RNF150: variants seen among roughly 807,000 people sequenced by gnomAD.
RNF150 encodes ring finger protein 150.
Under a neutral mutation model 39.3 loss-of-function variants are expected in RNF150, and 24 were observed. The observed-to-expected ratio is 0.61, with a 90% confidence interval of 0.44 to 0.86. The LOEUF (loss-of-function observed/expected upper bound fraction) is 0.86, where lower values mean the gene tolerates loss of function less well. Among genes scored for constraint, RNF150 ranks in the 40% least tolerant of loss-of-function variants. RNF150 has a pLI of 0.00. For synonymous variants in RNF150, 255 were observed against 227.3 expected, an observed-to-expected ratio of 1.12 and a Z score of -1.10; for missense variants, 502 against 587.8, an observed-to-expected ratio of 0.85 and a Z score of 1.51.
At chr4:141,098,473 G>A (rs1167517941) in intron 1 of RNF150, among the ~76,000 whole-genome samples, 1 of 152,196 alleles carries the variant, frequency 6.6e-6, no homozygotes, top group South Asian at 2.1e-4. Flanking sequence ...GCCTCATACT[G>A]GGAGTCAAGA....
intron 1 of RNF150, among the ~76,000 whole-genome samples, chr4:141,058,636 T>A (rs1420597718): frequency 6.6e-6 from 1 of 152,176 alleles, no homozygotes; most frequent in African/African-American, 2.4e-5. Flanking sequence ...ATTATTATAC[T>A]GTCCTACCCC....
intron 1 of RNF150, among the ~76,000 whole-genome samples, chr4:140,999,662 C>T (rs915971466): frequency 3.9e-5 from 6 of 152,104 alleles, no homozygotes; most frequent in South Asian, 2.1e-4. Flanking sequence ...AGGCCACGTG[C>T]GGCGGCTCAC....
At chr4:141,065,638 G>C (rs1221421739) in intron 1 of RNF150, among the ~76,000 whole-genome samples, 1 of 151,932 alleles carries the variant, frequency 6.6e-6, no homozygotes, top group Non-Finnish European at 1.5e-5. Flanking sequence ...ATATGTGCTA[G>C]GAAGAAATTC....
At chr4:140,891,120 T>C (rs1729739436) in intron 6 of RNF150, among the ~76,000 whole-genome samples, 1 of 152,226 alleles carries the variant, frequency 6.6e-6, no homozygotes. Context: ...GGAATAGCAC[T>C]GGTAGAAAAT....
intron 1 of RNF150, among the ~76,000 whole-genome samples, chr4:140,994,804 A>G (rs1734311291): frequency 1.3e-5 from 2 of 152,172 alleles, no homozygotes; most frequent in South Asian, 4.1e-4. Context: ...TCTGGATAGA[A>G]GTTTATGTTC....
At chr4:141,115,986 T>C (rs1396536048) in intron 1 of RNF150, among the ~76,000 whole-genome samples, 1 of 152,148 alleles carries the variant, frequency 6.6e-6, no homozygotes. Flanking sequence ...TATACAAAAA[T>C]TAACTCAAGA....
chr4:140,988,525 C>T (rs941417283), intron 1 of RNF150, among the ~76,000 whole-genome samples: 5 of 151,992 alleles, frequency 3.3e-5, no homozygotes, highest in Admixed American at 2.6e-4. Flanking sequence ...TTCTAGGGTA[C>T]ATGTGCACAA....
At chr4:141,155,296 C>CTA (rs1727368959) in intron 1 of RNF150, among the ~76,000 whole-genome samples, 1 of 127,854 alleles carries the variant, frequency 7.8e-6, no homozygotes, top group South Asian at 2.7e-4. Context: ...GCAGGTTTCA[C>CTA]TATGTTGGCC....
At chr4:140,969,756 C>CTTTTTTTT (rs70946718) in intron 1 of RNF150, among the ~76,000 whole-genome samples, 11 of 75,962 alleles carry the variant, frequency 1.4e-4, no homozygotes, top group Admixed American at 4.1e-4. Flanking sequence ...ACAAGTTTTA[C>CTTTTTTTT]TTTTTTTTTT....
intron 6 of RNF150, among the ~76,000 whole-genome samples, chr4:140,869,616 A>G (rs913467339): frequency 6.6e-6 from 1 of 152,240 alleles, no homozygotes; most frequent in Non-Finnish European, 1.5e-5. Context: ...GATAAGCACC[A>G]GGATGGAAGA....
chr4:141,030,804 G>A (rs1173087561), intron 1 of RNF150, among the ~76,000 whole-genome samples: 1 of 152,030 alleles, frequency 6.6e-6, no homozygotes, highest in Non-Finnish European at 1.5e-5. Flanking sequence ...CAGGGGATAG[G>A]GGAGAGGAGC....
At chr4:140,912,147 G>A (rs996251361) in intron 5 of RNF150, among the ~76,000 whole-genome samples, 6 of 152,262 alleles carry the variant, frequency 3.9e-5, no homozygotes, top group East Asian at 3.9e-4. Flanking sequence ...CAGTGTTGGC[G>A]TCTATTATTA....
At chr4:140,936,692 A>G (rs1731875488) in intron 4 of RNF150, among the ~76,000 whole-genome samples, 4 of 152,128 alleles carry the variant, frequency 2.6e-5, no homozygotes, top group Admixed American at 2.6e-4. Context: ...AAGATTCACC[A>G]AAAACACTAA....
intron 4 of RNF150, among the ~76,000 whole-genome samples, chr4:140,935,039 A>AT (rs1462810223): frequency 6.3e-3 from 26 of 4,132 alleles, no homozygotes; most frequent in East Asian, 0.029. Flanking sequence ...TATAATATAT[A>AT]TATATAAATA....
chr4:140,889,039 T>A (rs1729671719), intron 6 of RNF150, among the ~76,000 whole-genome samples: 1 of 151,598 alleles, frequency 6.6e-6, no homozygotes, highest in Non-Finnish European at 1.5e-5. Context: ...CTTTAAACAG[T>A]TTGTTTTTTT....
intron 1 of RNF150, among the ~76,000 whole-genome samples, chr4:141,084,298 A>C (rs1376629101): frequency 1.3e-5 from 2 of 152,250 alleles, no homozygotes; most frequent in Non-Finnish European, 2.9e-5. Context: ...TGTTCAAGCT[A>C]TATATTCTGA....
intron 1 of RNF150, among the ~76,000 whole-genome samples, chr4:141,017,333 A>AT (rs1016459001): frequency 1.3e-5 from 2 of 152,088 alleles, no homozygotes; most frequent in African/African-American, 4.8e-5. Flanking sequence ...AATATAATTT[A>AT]TTTTTTTAGA....
intron 1 of RNF150, among the ~76,000 whole-genome samples, chr4:141,033,172 C>A (rs530462727): frequency 6.6e-6 from 1 of 152,292 alleles, no homozygotes; most frequent in East Asian, 1.9e-4. Context: ...TCAAGTCTTT[C>A]CACTGCTTTA....
At chr4:141,028,567 A>G (rs903015107) in intron 1 of RNF150, among the ~76,000 whole-genome samples, 2 of 152,198 alleles carry the variant, frequency 1.3e-5, no homozygotes, top group Non-Finnish European at 2.9e-5. Context: ...TCAGTAGAGA[A>G]CACTGAAAAA....
Sources: allele counts gnomAD v4.1 joint callset (sites outside exome capture counted in the v4.1 genomes callset), GRCh38; gene constraint gnomAD v4.1.1; transcripts MANE v1.5; gene names NCBI Gene and HGNC (gene_info 2026-07-23, HGNC 2026-07-21).